LDB2: variants seen among roughly 807,000 people sequenced by gnomAD.
LDB2 encodes LIM domain binding 2.
In LDB2, 12 loss-of-function variants were observed where a neutral mutation model predicts 44.3. That is an observed-to-expected ratio of 0.27 (90% CI 0.17 to 0.44). The LOEUF (loss-of-function observed/expected upper bound fraction) is 0.44, where lower values mean the gene tolerates loss of function less well. LDB2 is among the 20% of genes least tolerant of loss of function. The pLI, the probability that LDB2 is intolerant of heterozygous loss-of-function variation, is 1.00. For missense variants in LDB2, 344 were observed against 473.5 expected (o/e 0.73, Z 2.54); for synonymous variants, 164 against 174.8 (o/e 0.94, Z 0.49).
intron 5 of LDB2, among the ~76,000 whole-genome samples, chr4:16,572,185 T>TCCCTTCATGATTTG (rs1746781976): frequency 6.6e-6 from 1 of 152,166 alleles, no homozygotes; most frequent in African/African-American, 2.4e-5. Context: ...TTCAAACAAC[T>TCCCTTCATGATTTG]CCCTTCATGC....
At chr4:16,506,041 C>T in intron 7 of LDB2, 2 of 1,522,390 alleles carry the variant, frequency 1.3e-6, no homozygotes, top group East Asian at 4.9e-5. Context: ...GCCAGACACA[C>T]ACATCGCTGC....
At chr4:16,755,572 C>T (rs1446161912) in intron 2 of LDB2, among the ~76,000 whole-genome samples, 1 of 140,138 alleles carries the variant, frequency 7.1e-6, no homozygotes, top group East Asian at 2.2e-4. Context: ...AGAGAGCAAG[C>T]TGGCTTTGGA....
At position 16,681,999 on chromosome 4, in the gene LDB2, T is replaced by C. The variant is rs572105046; in HGVS notation, c.235+77159A>G. Among the ~76,000 whole-genome samples, 225 of 152,332 alleles carry C rather than the reference T, an allele frequency of 1.5e-3. 1 individual carries two copies. The highest frequency in any genetic ancestry group is 4.8e-3 in the African/African-American group (199 of 41,586). Reference sequence around the variant, plus strand: ...CAGAGGACGGGTGCCTATTTATAAATGAAGATTTACAGTAAAATGCAGAAC... The same window carrying C: ...CAGAGGACGGGTGCCTATTTATAAACGAAGATTTACAGTAAAATGCAGAAC... On this transcript the variant is annotated intron_variant, in intron 2 of 7. Coordinates refer to ENST00000304523, the MANE Select transcript of LDB2 (RefSeq NM_001290.5).
At chr4:16,766,144 T>C (rs1193157225) in intron 1 of LDB2, among the ~76,000 whole-genome samples, 1 of 152,140 alleles carries the variant, frequency 6.6e-6, no homozygotes, top group Admixed American at 6.6e-5. Context: ...CACCATATCC[T>C]ACTCTGTTTT....
chr4:16,776,119 G>A (rs1273909041), intron 1 of LDB2, among the ~76,000 whole-genome samples: 1 of 152,158 alleles, frequency 6.6e-6, no homozygotes. Context: ...TCAGGAAACT[G>A]GGTTCTGATT....
chr4:16,802,753 T>C (rs1778085665), intron 1 of LDB2, among the ~76,000 whole-genome samples: 1 of 152,134 alleles, frequency 6.6e-6, no homozygotes, highest in Non-Finnish European at 1.5e-5. Context: ...AATTGAATCA[T>C]GGGGGCCAAT....
At chr4:16,553,242 T>C (rs1738289507) in intron 5 of LDB2, among the ~76,000 whole-genome samples, 1 of 152,164 alleles carries the variant, frequency 6.6e-6, no homozygotes, top group Non-Finnish European at 1.5e-5. Flanking sequence ...AGCCTTGAAC[T>C]CCTAGGCCCA....
In LDB2 at chr4:16,883,250, T is replaced by G. The variant is rs371612940; in HGVS notation, c.132+15104A>C. Among the ~76,000 whole-genome samples the G allele has an allele frequency of 1.2e-4, 18 of 152,300 alleles. No individual in the cohort carries two copies. In the South Asian group the frequency reaches 3.5e-3, roughly 30 times the overall value. On this transcript the variant is annotated intron_variant, in intron 1 of 7. Coordinates refer to ENST00000304523, the MANE Select transcript of LDB2 (RefSeq NM_001290.5). ...TGACTTTGTGTTGGATGTGACAGGT[T>G]AAAAACAGAAATCAGCAGTCCATCT...
At chr4:16,649,363 C>T (rs13111009) in intron 2 of LDB2, among the ~76,000 whole-genome samples, 1 of 151,990 alleles carries the variant, frequency 6.6e-6, no homozygotes, top group Non-Finnish European at 1.5e-5. Context: ...ATTTCACTTT[C>T]CTTAGGTTTC....
chr4:16,853,524 A>C (rs980132813), intron 1 of LDB2, among the ~76,000 whole-genome samples: 2 of 152,212 alleles, frequency 1.3e-5, no homozygotes, highest in Non-Finnish European at 2.9e-5. Flanking sequence ...GTACACTGTT[A>C]GTGGAAATAT....
At chr4:16,690,319 T>G (rs1026249547) in intron 2 of LDB2, among the ~76,000 whole-genome samples, 12 of 151,342 alleles carry the variant, frequency 7.9e-5, no homozygotes, top group African/African-American at 2.9e-4. Flanking sequence ...AAAAATTAGC[T>G]GGGAATGGTG....
intron 5 of LDB2, among the ~76,000 whole-genome samples, chr4:16,531,924 A>G (rs1730275818): frequency 6.6e-6 from 1 of 152,178 alleles, no homozygotes; most frequent in South Asian, 2.1e-4. Flanking sequence ...GTTCAAACAG[A>G]TGGAGGAAGG....
intron 2 of LDB2, among the ~76,000 whole-genome samples, chr4:16,662,977 C>G (rs962719196): frequency 6.6e-6 from 1 of 152,104 alleles, no homozygotes; most frequent in African/African-American, 2.4e-5. Flanking sequence ...AACACTCCTT[C>G]CCCGAAAATC....
At chr4:16,539,313 T>C (rs1464586794) in intron 5 of LDB2, among the ~76,000 whole-genome samples, 1 of 152,018 alleles carries the variant, frequency 6.6e-6, no homozygotes, top group Non-Finnish European at 1.5e-5. Context: ...TGTAAAAAGG[T>C]ACAGGAAAGA....
At chr4:16,884,390 C>A (rs1268226224) in intron 1 of LDB2, among the ~76,000 whole-genome samples, 2 of 152,084 alleles carry the variant, frequency 1.3e-5, no homozygotes, top group Non-Finnish European at 2.9e-5. Flanking sequence ...GGTAAAGAAC[C>A]CTGGCTTGGT....
At chr4:16,689,762 GA>G (rs1750179263) in intron 2 of LDB2, among the ~76,000 whole-genome samples, 1 of 152,186 alleles carries the variant, frequency 6.6e-6, no homozygotes, top group African/African-American at 2.4e-5. Context: ...GTCTTGCTTG[GA>G]TTACAAGTGA....
intron 2 of LDB2, among the ~76,000 whole-genome samples, chr4:16,724,949 T>TA (rs1759103467): frequency 6.6e-6 from 1 of 152,094 alleles, no homozygotes; most frequent in Non-Finnish European, 1.5e-5. Context: ...AGTCCAGACA[T>TA]AAAAAATGAT....
intron 2 of LDB2, among the ~76,000 whole-genome samples, chr4:16,734,096 C>T (rs560443478): frequency 6.6e-6 from 1 of 152,142 alleles, no homozygotes; most frequent in African/African-American, 2.4e-5. Flanking sequence ...TAATGATACT[C>T]ACCTTTTAAA....
intron 2 of LDB2, among the ~76,000 whole-genome samples, chr4:16,741,711 C>T (rs530004878): frequency 6.6e-6 from 1 of 152,220 alleles, no homozygotes; most frequent in African/African-American, 2.4e-5. Flanking sequence ...AGCTTGACTC[C>T]CCTCTACACA....
Sources: allele counts gnomAD v4.1 joint callset (sites outside exome capture counted in the v4.1 genomes callset), GRCh38; gene constraint gnomAD v4.1.1; transcripts MANE v1.5; gene names NCBI Gene and HGNC (gene_info 2026-07-23, HGNC 2026-07-21).